The following DPP6 variants were observed in gnomAD, a reference collection of about 807,000 sequenced individuals.
DPP6 encodes A-type potassium channel modulatory protein DPP6.
In DPP6, 69 loss-of-function variants were observed where a neutral mutation model predicts 122.6. That is an observed-to-expected ratio of 0.56 (90% CI 0.46 to 0.69). DPP6 has a LOEUF of 0.69. Among genes scored for constraint, DPP6 ranks in the 30% least tolerant of loss-of-function variants. DPP6 has a pLI of 0.00. For missense variants in DPP6, 928 were observed against 1,116.9 expected, an observed-to-expected ratio of 0.83 and a Z score of 2.41; for synonymous variants, 418 against 433.1, an observed-to-expected ratio of 0.97 and a Z score of 0.43.
Position 154,779,027 on chromosome 7 carries a change from TCCA to T in DPP6, c.1136+6099_1136+6101del, listed in dbSNP as rs1367442101. Among the ~76,000 whole-genome samples, 193 of 79,596 alleles carry T rather than the reference TCCA, an allele frequency of 2.4e-3. 1 individual carries two copies. Among genetic ancestry groups the T allele is most frequent in the African/African-American group, 0.011 (180 of 16,752 alleles). The allele number at this position is 79,596 out of a possible 152,430, so 52.2% of individuals were successfully genotyped here. On this transcript the variant is annotated intron_variant, in intron 10 of 25. Transcript: ENST00000377770. Reference sequence around the variant, plus strand: ...CCACCACCAGCACCCCACCATCACCTCCACCACCACCACCACAACTACCCCCAC... The same window carrying T: ...CCACCACCAGCACCCCACCATCACCTCCACCACCACCACAACTACCCCCAC...
chr7:154,222,819 G>C (rs1585669017), intron 1 of DPP6, among the ~76,000 whole-genome samples: 1 of 148,864 alleles, frequency 6.7e-6, no homozygotes, highest in Non-Finnish European at 1.5e-5. Context: ...CAGTCTTCAA[G>C]GCATGGGGTG....
chr7:154,143,214 A>G (rs1795929464), intron 1 of DPP6, among the ~76,000 whole-genome samples: 3 of 152,216 alleles, frequency 2.0e-5, no homozygotes, highest in Admixed American at 2.0e-4. Context: ...CAGAATAAAA[A>G]GGCAACAAAG....
the DPP6 span, among the ~76,000 whole-genome samples, chr7:153,853,792 G>A: frequency 3.9e-5 from 6 of 151,954 alleles, no homozygotes; most frequent in Admixed American, 3.3e-4. Context: ...CCATTTTGTA[G>A]GTTGCCTGTT....
chr7:153,802,124 A>C, the DPP6 span, among the ~76,000 whole-genome samples: 1 of 152,190 alleles, frequency 6.6e-6, no homozygotes, highest in African/African-American at 2.4e-5. Context: ...AGGAGCAGGC[A>C]CACCATGGTG....
At chr7:154,461,640 A>T (rs1035010753) in intron 2 of DPP6, among the ~76,000 whole-genome samples, 1 of 152,152 alleles carries the variant, frequency 6.6e-6, no homozygotes, top group Admixed American at 6.6e-5. Flanking sequence ...ACCTTTTCAT[A>T]TACCTGTTTA....
chr7:154,885,695 A>C lies in DPP6; in HGVS notation c.2196A>C (p.Thr732=), dbSNP rs1240900497. The C allele has an allele frequency of 1.9e-6, 3 of 1,599,604 alleles. No homozygotes were observed. Among genetic ancestry groups the C allele is most frequent in the Non-Finnish European group, 2.6e-6 (3 of 1,173,202 alleles). Residue 732 remains threonine (T), a synonymous_variant, in exon 22 of 26, where the codon ACA becomes ACC. Transcript: ENST00000377770. ...LPAKGENQGQ[T]FTCGSALSPI... ...CAAAGGGAGAAAATCAAGGCCAGAC[A>C]TTCACCTGCGGCTCTGCTCTCTCTC...
chr7:154,804,699 C>G (rs949142835), intron 14 of DPP6, among the ~76,000 whole-genome samples: 2 of 152,200 alleles, frequency 1.3e-5, no homozygotes, highest in Non-Finnish European at 2.9e-5. Flanking sequence ...AGGGGGCACC[C>G]GGAGCCAGTG....
the DPP6 span, among the ~76,000 whole-genome samples, chr7:153,782,540 G>A: frequency 8.5e-5 from 13 of 152,272 alleles, no homozygotes; most frequent in Middle Eastern, 3.4e-3. Context: ...CCCCCTTAGC[G>A]TGTGGGCCCT....
chr7:153,752,247 C>T, the DPP6 span, among the ~76,000 whole-genome samples: 4 of 133,234 alleles, frequency 3.0e-5, no homozygotes, highest in East Asian at 9.7e-4. Context: ...ATTTGTACCA[C>T]AGCCTCTTTT....
chr7:154,677,661 G>A (rs547235339), intron 7 of DPP6, among the ~76,000 whole-genome samples: 48 of 152,334 alleles, frequency 3.2e-4, no homozygotes, highest in African/African-American at 9.9e-4. Flanking sequence ...GGGGAGGAGC[G>A]CGTGGGGAGA....
chr7:154,008,658 CTTTTTTT>C (rs57634994), intron 1 of DPP6, among the ~76,000 whole-genome samples: 2 of 101,514 alleles, frequency 2.0e-5, no homozygotes, highest in Non-Finnish European at 2.0e-5. Context: ...TATTTCTTTT[CTTTTTTT>C]TTTTTTTTTT....
At chr7:154,881,968 C>T (rs966345615) in intron 21 of DPP6, among the ~76,000 whole-genome samples, 2 of 152,184 alleles carry the variant, frequency 1.3e-5, no homozygotes, top group Non-Finnish European at 1.5e-5. Context: ...ATAGCCATCA[C>T]CTCTCCCCAC....
intron 1 of DPP6, among the ~76,000 whole-genome samples, chr7:154,196,837 G>A (rs1283844816): frequency 1.3e-5 from 2 of 152,032 alleles, no homozygotes; most frequent in African/African-American, 2.4e-5. Flanking sequence ...GCCCTATCCC[G>A]TTTCCACTTA....
intron 1 of DPP6, among the ~76,000 whole-genome samples, chr7:153,912,864 C>T (rs1800149122): frequency 6.6e-6 from 1 of 152,118 alleles, no homozygotes; most frequent in Admixed American, 6.6e-5. Flanking sequence ...CTCTAATCAG[C>T]CCTTTTGCAG....
intron 2 of DPP6, among the ~76,000 whole-genome samples, chr7:154,469,204 C>A (rs965840720): frequency 1.3e-5 from 2 of 151,636 alleles, no homozygotes; most frequent in Non-Finnish European, 2.9e-5. Context: ...GAAAGTAAAA[C>A]ACACACACAC....
chr7:154,459,498 A>T (rs1821087100), intron 2 of DPP6, among the ~76,000 whole-genome samples: 3 of 152,202 alleles, frequency 2.0e-5, no homozygotes, highest in Admixed American at 1.3e-4. Flanking sequence ...TATTAATTTT[A>T]TTGAACAAGT....
At chr7:154,732,816 C>A (rs946755090) in intron 8 of DPP6, among the ~76,000 whole-genome samples, 1 of 152,304 alleles carries the variant, frequency 6.6e-6, no homozygotes, top group African/African-American at 2.4e-5. Context: ...TGCATGTCAG[C>A]AGGAATCATG....
chr7:154,056,409 T>A (rs1026530856), intron 1 of DPP6, among the ~76,000 whole-genome samples: 5 of 152,244 alleles, frequency 3.3e-5, no homozygotes, highest in Non-Finnish European at 5.9e-5. Context: ...GTGGAATGTA[T>A]TAACTTTCAT....
At chr7:154,527,907 A>G (rs540403677) in intron 3 of DPP6, among the ~76,000 whole-genome samples, 3 of 152,286 alleles carry the variant, frequency 2.0e-5, no homozygotes, top group East Asian at 1.9e-4. Context: ...CAGCTGATCT[A>G]TGATACTATG....
Sources: gnomAD v4.1 joint callset for allele counts (sites outside exome capture counted in the v4.1 genomes callset) on GRCh38, gnomAD v4.1.1 for gene constraint, MANE v1.5 for transcripts, NCBI Gene and HGNC (gene_info 2026-07-23, HGNC 2026-07-21) for gene names.